The following ANKFY1 variants were observed in gnomAD, a reference collection of about 807,000 sequenced individuals.
ANKFY1 encodes the protein ankyrin repeat and FYVE domain containing 1, also known as ankyrin repeat and FYVE domain-containing protein 1.
ANKFY1 carries 47 observed loss-of-function variants against 128.3 expected under a neutral mutation model. The observed-to-expected ratio is 0.37, with a 90% confidence interval of 0.29 to 0.47. ANKFY1 has a LOEUF of 0.47. Ranked by LOEUF, ANKFY1 falls within the 20% of genes least tolerant of loss-of-function variation. The probability of loss-of-function intolerance (pLI) is 1.00; values close to 1 mark genes in which losing one functional copy is unlikely to be tolerated. For synonymous variants in ANKFY1, 553 were observed against 601.6 expected (o/e 0.92, Z 1.18); for missense variants, 1,222 against 1,510.6 (o/e 0.81, Z 3.17).
chr17:4,263,943 T>A lies in ANKFY1; in HGVS notation c.-2A>T. ...CAAAAAAACCCTACCTTCCGCCATGTCTGGCCCGGCACTGCCTGCAACCTC... is the reference window on the plus strand; with the variant it reads ...CAAAAAAACCCTACCTTCCGCCATGACTGGCCCGGCACTGCCTGCAACCTC... On this transcript the variant is annotated 5_prime_UTR_variant, in exon 1 of 25. Coordinates refer to ENST00000341657, the MANE Select transcript of ANKFY1 (RefSeq NM_001330063.2). 1 of 1,613,980 alleles carries A rather than the reference T, an allele frequency of 6.2e-7. No individual in the cohort carries two copies. The highest frequency in any genetic ancestry group is 8.5e-7 in the Non-Finnish European group (1 of 1,179,944).
chr17:4,192,737 C>G (rs911121359), intron 10 of ANKFY1, among the ~76,000 whole-genome samples: 7 of 152,200 alleles, frequency 4.6e-5, no homozygotes, highest in Non-Finnish European at 8.8e-5. Context: ...GCCAAAACAT[C>G]ACTAAACCGT....
chr17:4,182,659 C>A (rs1442779862), intron 14 of ANKFY1, among the ~76,000 whole-genome samples: 1 of 152,208 alleles, frequency 6.6e-6, no homozygotes, highest in Admixed American at 6.5e-5. Context: ...TTCCTTCCCC[C>A]ACTCAGTCAT....
chr17:4,198,323 C>A (rs1011057534), intron 7 of ANKFY1, among the ~76,000 whole-genome samples: 1 of 151,952 alleles, frequency 6.6e-6, no homozygotes, highest in Admixed American at 6.6e-5. Context: ...CACGTTCCTA[C>A]TCAGAGTAAT....
At chr17:4,223,084 A>G in intron 3 of ANKFY1, 1 of 727,838 alleles carries the variant, frequency 1.4e-6, no homozygotes, top group South Asian at 1.5e-5. Context: ...ATTTTAATAG[A>G]TAAAAAAGAT....
chr17:4,183,752 C>T (rs1304561554), intron 13 of ANKFY1, 60 bp downstream of exon 13: 1 of 1,533,024 alleles, frequency 6.5e-7, no homozygotes, highest in South Asian at 1.1e-5. Flanking sequence ...TCTGTCCCAC[C>T]CGGCCCCACT....
chr17:4,197,492 G>A lies in ANKFY1; in HGVS notation c.984C>T (p.His328=). The change falls in exon 8 of 25, where the codon CAC becomes CAT. Residue 328 remains histidine (H), a synonymous_variant. Transcript: ENST00000341657. ...ATLGAQETPL[H]LVALYSSKKH... ...TCTTTGAACTGTACAAGGCCACAAGGTGCAGTGGTGTCTCCTGGGCACCCA... is the reference window on the plus strand; with the variant it reads ...TCTTTGAACTGTACAAGGCCACAAGATGCAGTGGTGTCTCCTGGGCACCCA... 1 of 1,614,196 alleles carries A rather than the reference G, an allele frequency of 6.2e-7. No individual in the cohort carries two copies. Among genetic ancestry groups the A allele is most frequent in the East Asian group, 2.2e-5 (1 of 44,878 alleles).
At chr17:4,235,937 C>T in intron 2 of ANKFY1, 47 bp from the exon 3 acceptor site, 1 of 1,318,270 alleles carries the variant, frequency 7.6e-7, no homozygotes, top group Non-Finnish European at 1.1e-6. Context: ...GTCATCATAA[C>T]TAGGTATAGC....
At position 4,195,071 on chromosome 17, in the gene ANKFY1, G is replaced by T. The variant is rs1397961426; in HGVS notation, c.1279C>A (p.Pro427Thr). 6.2e-7 allele frequency: 1 copy of T among 1,614,176 alleles called. No homozygotes were observed. The highest frequency in any genetic ancestry group is 1.7e-5 in the Admixed American group (1 of 60,002). ...DQSVNPFEDV[P>T]VVNGTSFDEN... ...TCAAATGAAGTCCCATTTACCACGG[G>T]GACATCTTCGAAGGGGTTCACAGAC... The change falls in exon 10 of 25, where the codon CCC becomes ACC. Residue 427 changes from proline to threonine, a missense_variant. By Grantham distance (38) the Pro-to-Thr change is conservative. Coordinates refer to ENST00000341657, the MANE Select transcript of ANKFY1 (RefSeq NM_001330063.2).
intron 12 of ANKFY1, among the ~76,000 whole-genome samples, 185 bp downstream of exon 12, chr17:4,184,633 C>T (rs1281646334): frequency 6.6e-6 from 1 of 152,236 alleles, no homozygotes; most frequent in Admixed American, 6.5e-5. Context: ...CCTGAAAACA[C>T]ACACAGGGAA....
chr17:4,179,979 G>A (rs1239354000), intron 16 of ANKFY1, 102 bp from the exon 17 acceptor site: 11 of 1,439,588 alleles, frequency 7.6e-6, no homozygotes, highest in Middle Eastern at 1.9e-4. Context: ...ATCCAACAGC[G>A]TCTGCTGTGG....
At chr17:4,234,188 G>C (rs1445809491) in intron 3 of ANKFY1, among the ~76,000 whole-genome samples, 1 of 152,152 alleles carries the variant, frequency 6.6e-6, no homozygotes, top group African/African-American at 2.4e-5. Context: ...GCTATACCAT[G>C]TAGATTTGTG....
At chr17:4,234,235 G>A (rs573265828) in intron 3 of ANKFY1, among the ~76,000 whole-genome samples, 9 of 152,194 alleles carry the variant, frequency 5.9e-5, no homozygotes, top group African/African-American at 1.2e-4. Context: ...ACAAAACCAC[G>A]TAATGACACA....
intron 8 of ANKFY1, among the ~76,000 whole-genome samples, chr17:4,195,994 C>T (rs889746333): frequency 4.1e-5 from 6 of 147,686 alleles, no homozygotes; most frequent in African/African-American, 1.0e-4. Context: ...CACACACCCC[C>T]GAGTCAGGGC....
At chr17:4,240,397 T>A (rs1967145760) in intron 2 of ANKFY1, among the ~76,000 whole-genome samples, 4 of 117,698 alleles carry the variant, frequency 3.4e-5, no homozygotes, top group African/African-American at 8.8e-5. Context: ...TTTATTTATT[T>A]ATTTATTTTT....
At chr17:4,248,873 A>G (rs8066945) in intron 1 of ANKFY1, among the ~76,000 whole-genome samples, 143,479 of 152,258 alleles carry the variant, frequency 0.94, 68,215 homozygotes, top group East Asian at 1. Context: ...AGAATGCCAG[A>G]AACTTCCAAT....
intron 11 of ANKFY1, among the ~76,000 whole-genome samples, chr17:4,189,165 C>T (rs571326207): frequency 3.9e-5 from 6 of 152,212 alleles, no homozygotes; most frequent in Non-Finnish European, 8.8e-5. Flanking sequence ...CTGTTTCCTA[C>T]ACAAACGCTT....
At chr17:4,237,179 A>G (rs1452487670) in intron 2 of ANKFY1, among the ~76,000 whole-genome samples, 1 of 152,178 alleles carries the variant, frequency 6.6e-6, no homozygotes, top group Non-Finnish European at 1.5e-5. Flanking sequence ...TTTGTATATA[A>G]TGCTTGACAG....
Position 4,167,831 on chromosome 17 carries a change from A to G in ANKFY1, c.3458T>C (p.Val1153Ala). The change falls in exon 25 of 25, where the codon GTG (valine) becomes GCG (alanine). Residue 1153 changes from valine (V) to alanine (A), a missense_variant. Physicochemically the swap from Val to Ala is moderately conservative, Grantham distance 64. Coordinates refer to ENST00000341657, the MANE Select transcript of ANKFY1 (RefSeq NM_001330063.2). The surrounding 1 kb of genome is among the most constrained non-coding windows in gnomAD (Gnocchi z 4.1). ...ATCAAAACAAATGTTGCAAACCCGCACAGGCTTGTTCAGATCAAACTTTAT... is the reference window on the plus strand; with the variant it reads ...ATCAAAACAAATGTTGCAAACCCGCGCAGGCTTGTTCAGATCAAACTTTAT... ...PIIKFDLNKP[V>A]RVCNICFDVL... is the part of the protein sequence containing the mutation. 4 of 1,613,888 alleles carry G rather than the reference A, an allele frequency of 2.5e-6. No homozygotes were observed. The highest frequency in any genetic ancestry group is 3.4e-6 in the Non-Finnish European group (4 of 1,179,872).
At chr17:4,173,313 G>T (rs1265698945) in intron 21 of ANKFY1, 41 bp downstream of exon 21, 5 of 1,590,840 alleles carry the variant, frequency 3.1e-6, no homozygotes, top group Non-Finnish European at 4.3e-6. Context: ...CTGAGCAGCA[G>T]GCCAGGCGCC....
Sources: allele counts gnomAD v4.1 joint callset (sites outside exome capture counted in the v4.1 genomes callset), GRCh38; gene constraint gnomAD v4.1.1; non-coding constraint Gnocchi (gnomAD v3.1); transcripts MANE v1.5; gene names NCBI Gene and HGNC (gene_info 2026-07-23, HGNC 2026-07-21).